GPC5: variants seen among roughly 807,000 people sequenced by gnomAD.
GPC5 encodes glypican 5.
Under a neutral mutation model 53.9 loss-of-function variants are expected in GPC5, and 47 were observed. The ratio of observed to expected loss-of-function variants is 0.87; its 90% CI spans 0.69 to 1.11. GPC5 has a LOEUF of 1.11. Ranked by LOEUF, GPC5 falls within the 50% of genes most tolerant of loss-of-function variation. The pLI is 0.00. For synonymous variants in GPC5, 286 were observed against 263.3 expected (o/e 1.09, Z -0.84); for missense variants, 748 against 713.1 (o/e 1.05, Z -0.56).
intron 7 of GPC5, among the ~76,000 whole-genome samples, chr13:92,329,242 G>T (rs376008831): frequency 6.6e-6 from 1 of 152,130 alleles, no homozygotes; most frequent in South Asian, 2.1e-4. Context: ...AGGAAGCATG[G>T]CATCCGCAGC....
At chr13:91,515,210 A>G (rs1885432085) in intron 2 of GPC5, among the ~76,000 whole-genome samples, 1 of 152,206 alleles carries the variant, frequency 6.6e-6, no homozygotes, top group South Asian at 2.1e-4. Context: ...TTTACCAGAT[A>G]TCAACTTTAT....
At chr13:91,911,264 C>G (rs896274445) in intron 6 of GPC5, among the ~76,000 whole-genome samples, 5 of 152,090 alleles carry the variant, frequency 3.3e-5, no homozygotes, top group African/African-American at 1.2e-4. Context: ...CAGAAGCTAG[C>G]TGGGTGCAGT....
intron 6 of GPC5, among the ~76,000 whole-genome samples, chr13:92,112,096 A>T (rs2041561810): frequency 1.3e-5 from 2 of 152,196 alleles, no homozygotes; most frequent in African/African-American, 4.8e-5. Context: ...AAAATAAGTT[A>T]GTGTTACACA....
At chr13:92,196,559 C>T (rs1374564111) in intron 7 of GPC5, among the ~76,000 whole-genome samples, 1 of 152,096 alleles carries the variant, frequency 6.6e-6, no homozygotes, top group East Asian at 1.9e-4. Flanking sequence ...CTAACTGGCC[C>T]CACTAAAAAT....
intron 6 of GPC5, among the ~76,000 whole-genome samples, chr13:92,098,220 C>T (rs2041436850): frequency 6.6e-6 from 1 of 152,088 alleles, no homozygotes; most frequent in Non-Finnish European, 1.5e-5. Context: ...TCCATGTGTT[C>T]TCATCATTCA....
At chr13:92,221,759 T>C (rs1430919965) in intron 7 of GPC5, among the ~76,000 whole-genome samples, 4 of 152,140 alleles carry the variant, frequency 2.6e-5, no homozygotes, top group Non-Finnish European at 5.9e-5. Context: ...CTTTCTTCAT[T>C]GTAAAGAATC....
At chr13:91,828,754 T>A (rs1183861154) in intron 5 of GPC5, among the ~76,000 whole-genome samples, 1 of 151,940 alleles carries the variant, frequency 6.6e-6, no homozygotes, top group Non-Finnish European at 1.5e-5. Context: ...AAGATCATAA[T>A]GTGCTTAATA....
intron 3 of GPC5, among the ~76,000 whole-genome samples, chr13:91,701,001 C>T (rs2035979771): frequency 6.6e-6 from 1 of 152,156 alleles, no homozygotes; most frequent in African/African-American, 2.4e-5. Flanking sequence ...CCTCCGGCTA[C>T]TTTTGTGGGG....
rs150006945 is a variant in GPC5 at position 91,480,619 on chromosome 13, G to A, written c.325+31697G>A. ...GACATATTGCATACAATTTCTACTA[G>A]GTTCTTTCTTGAAAAGGTAAGCTGA... On this transcript the variant is annotated intron_variant, in intron 2 of 7. Coordinates refer to ENST00000377067, the MANE Select transcript of GPC5 (RefSeq NM_004466.6). 1.9e-3 allele frequency among the ~76,000 whole-genome samples: 282 copies of A among 152,246 alleles called. 10 individuals are homozygous for A. The East Asian group carries it at 0.052, about 28-fold the overall frequency.
intron 7 of GPC5, among the ~76,000 whole-genome samples, chr13:92,562,477 A>T (rs1007970250): frequency 2.0e-5 from 3 of 152,026 alleles, no homozygotes; most frequent in African/African-American, 4.8e-5. Context: ...TATCTTTTGT[A>T]TTATTTCCTG....
At chr13:92,499,400 T>A (rs1230553053) in intron 7 of GPC5, among the ~76,000 whole-genome samples, 1 of 152,154 alleles carries the variant, frequency 6.6e-6, no homozygotes, top group Non-Finnish European at 1.5e-5. Flanking sequence ...TTTGCTGTTC[T>A]TTTTTTGCCT....
intron 7 of GPC5, among the ~76,000 whole-genome samples, chr13:92,564,136 G>A (rs1183582005): frequency 6.6e-6 from 1 of 152,014 alleles, no homozygotes; most frequent in African/African-American, 2.4e-5. Context: ...GTGGTTGTCA[G>A]ATAAAATATG....
chr13:91,399,217 G>A lies in GPC5; in HGVS notation c.163+8G>A, dbSNP rs760725789. On this transcript the variant is annotated splice_region_variant and intron_variant, in intron 1 of 7. Coordinates refer to ENST00000377067, the MANE Select transcript of GPC5 (RefSeq NM_004466.6). ...CGGATTCGCCGCGGGCAGGTAAGGG[G>A]CAATGAGGGGGTCTCTGGACTGGCG... 2 of 1,610,580 alleles carry A rather than the reference G, an allele frequency of 1.2e-6. No homozygotes were observed. Among genetic ancestry groups the A allele is most frequent in the South Asian group, 2.2e-5 (2 of 90,682 alleles).
intron 7 of GPC5, among the ~76,000 whole-genome samples, chr13:92,781,490 T>A (rs1214287169): frequency 6.6e-6 from 1 of 152,162 alleles, no homozygotes; most frequent in Non-Finnish European, 1.5e-5. Context: ...ATTATTTTGA[T>A]GTACAGGTTT....
At chr13:91,471,968 G>T (rs998145420) in intron 2 of GPC5, among the ~76,000 whole-genome samples, 50 of 152,006 alleles carry the variant, frequency 3.3e-4, no homozygotes, top group African/African-American at 1.1e-3. Context: ...TTGGTGCTTT[G>T]CATTTTCTTG....
intron 7 of GPC5, among the ~76,000 whole-genome samples, chr13:92,254,769 C>G (rs1184955531): frequency 6.6e-6 from 1 of 152,046 alleles, no homozygotes; most frequent in Non-Finnish European, 1.5e-5. Flanking sequence ...GCGAAAAAGT[C>G]CCTTATAAAA....
At chr13:91,884,228 C>G (rs2039299024) in intron 5 of GPC5, among the ~76,000 whole-genome samples, 1 of 152,142 alleles carries the variant, frequency 6.6e-6, no homozygotes, top group South Asian at 2.1e-4. Flanking sequence ...ACCATTCCAA[C>G]CAGCAATCTC....
intron 7 of GPC5, among the ~76,000 whole-genome samples, chr13:92,176,021 A>T (rs909734654): frequency 6.6e-6 from 1 of 152,198 alleles, no homozygotes; most frequent in African/African-American, 2.4e-5. Context: ...CTTTACCATT[A>T]TCATGAAGTT....
In GPC5 at chr13:91,399,091, T is replaced by C. The variant is rs1400855068; in HGVS notation, c.45T>C (p.Leu15=). 6 of 1,594,758 alleles carry C rather than the reference T, an allele frequency of 3.8e-6. No homozygotes were observed. The highest frequency in any genetic ancestry group is 1.6e-4 in the Middle Eastern group (1 of 6,068). ...CCGTGGGCTTTCGCTGCCTCCTCCT[T>C]CTGGCCCTGGTTGGGTCCGCCCGCA... ...TWPVGFRCLL[L]LALVGSARSE... The change falls in exon 1 of 8, where the codon CTT becomes CTC. Residue 15 remains leucine (L), a synonymous_variant. Transcript: ENST00000377067.
Sources: gnomAD v4.1 joint callset for allele counts (sites outside exome capture counted in the v4.1 genomes callset) on GRCh38, gnomAD v4.1.1 for gene constraint, MANE v1.5 for transcripts, NCBI Gene and HGNC (gene_info 2026-07-23, HGNC 2026-07-21) for gene names.